Variants in EYA1 observed in about 807,000 individuals in gnomAD.
EYA1 encodes the protein protein phosphatase EYA1.
Under a neutral mutation model 82.0 loss-of-function variants are expected in EYA1, and 16 were observed. That is an observed-to-expected ratio of 0.20 (90% confidence interval 0.13 to 0.30). The LOEUF (loss-of-function observed/expected upper bound fraction) is 0.30. EYA1 is among the 10% of genes least tolerant of loss of function. The probability of loss-of-function intolerance (pLI) is 1.00; values close to 1 mark genes in which losing one functional copy is unlikely to be tolerated. For missense variants in EYA1, 633 were observed against 730.7 expected, an observed-to-expected ratio of 0.87 and a Z score of 1.54; for synonymous variants, 261 against 264.4, an observed-to-expected ratio of 0.99 and a Z score of 0.12.
At chr8:71,456,709 G>A (rs1807952046) in intron 2 of EYA1, among the ~76,000 whole-genome samples, 1 of 152,184 alleles carries the variant, frequency 6.6e-6, no homozygotes, top group Admixed American at 6.6e-5. Flanking sequence ...CTAGCCATAT[G>A]TAGGAAGCTG....
At chr8:71,340,438 A>T (rs1824991699) in intron 3 of EYA1, among the ~76,000 whole-genome samples, 1 of 152,224 alleles carries the variant, frequency 6.6e-6, no homozygotes, top group African/African-American at 2.4e-5. Context: ...GTTGGACATC[A>T]TTTAAACCAA....
At chr8:71,381,328 C>T (rs865864244) in intron 2 of EYA1, among the ~76,000 whole-genome samples, 5 of 152,136 alleles carry the variant, frequency 3.3e-5, no homozygotes, top group African/African-American at 9.7e-5. Context: ...AGACAAATTT[C>T]GATGGGAACA....
intron 3 of EYA1, among the ~76,000 whole-genome samples, chr8:71,350,007 T>G (rs553522472): frequency 2.8e-4 from 43 of 152,250 alleles, no homozygotes; most frequent in African/African-American, 1.0e-3. Context: ...TTATGGCTTT[T>G]GTTTAAGGAC....
At chr8:71,303,961 T>C (rs911012449) in intron 7 of EYA1, among the ~76,000 whole-genome samples, 1 of 142,328 alleles carries the variant, frequency 7.0e-6, no homozygotes, top group African/African-American at 2.5e-5. Context: ...TTAAGGTCTA[T>C]ACAATGCTGT....
chr8:71,432,661 T>C (rs543671646), intron 2 of EYA1, among the ~76,000 whole-genome samples: 1 of 152,212 alleles, frequency 6.6e-6, no homozygotes, highest in Non-Finnish European at 1.5e-5. Context: ...CTTACCCACA[T>C]GACCTAATTT....
At position 71,246,774 on chromosome 8, in the gene EYA1, G is replaced by C. The variant is rs527238584; in HGVS notation, c.1051-2082C>G. Among the ~76,000 whole-genome samples, 6 of 152,328 alleles carry C rather than the reference G, an allele frequency of 3.9e-5. No individual in the cohort carries two copies. In the East Asian group the frequency reaches 9.6e-4, roughly 24 times the overall value. ...CGTACATGTTTGTACAGTTAGGAGA[G>C]AGCAGGGGCTGGAAAGGGTGGGAGA... On this transcript the variant is annotated intron_variant, in intron 11 of 17. Transcript: ENST00000340726.
At chr8:71,465,437 A>G (rs1426790442) in intron 2 of EYA1, among the ~76,000 whole-genome samples, 2 of 152,146 alleles carry the variant, frequency 1.3e-5, no homozygotes, top group African/African-American at 4.8e-5. Flanking sequence ...AGCCTGGCCA[A>G]CATGGTGAAA....
chr8:71,211,579 A>T (rs1187881987), intron 16 of EYA1, among the ~76,000 whole-genome samples: 1 of 152,212 alleles, frequency 6.6e-6, no homozygotes, highest in Non-Finnish European at 1.5e-5. Flanking sequence ...ACTGTTTTGC[A>T]GTGGGACTTC....
At chr8:71,470,267 T>A (rs1254024763) in intron 2 of EYA1, among the ~76,000 whole-genome samples, 2 of 152,112 alleles carry the variant, frequency 1.3e-5, no homozygotes, top group African/African-American at 4.8e-5. Context: ...TTGTTTCAAA[T>A]GATTTGCTTT....
At chr8:71,380,824 T>G (rs1828658490) in intron 2 of EYA1, among the ~76,000 whole-genome samples, 1 of 152,358 alleles carries the variant, frequency 6.6e-6, no homozygotes, top group South Asian at 2.1e-4. Context: ...ACAGATTTTC[T>G]TTTCCTGTTT....
At chr8:71,427,441 A>G (rs187324803) in intron 2 of EYA1, among the ~76,000 whole-genome samples, 1 of 152,356 alleles carries the variant, frequency 6.6e-6, no homozygotes, top group African/African-American at 2.4e-5. Context: ...ATGCAGAAAT[A>G]AAGAGAGATG....
At chr8:71,543,528 T>C (rs541046851) in intron 1 of EYA1, among the ~76,000 whole-genome samples, 108 of 152,344 alleles carry the variant, frequency 7.1e-4, no homozygotes, top group African/African-American at 2.4e-3. Context: ...TAGTTTCTGA[T>C]AGATGGTGAC....
intron 7 of EYA1, among the ~76,000 whole-genome samples, chr8:71,302,447 T>C (rs1820303017): frequency 6.6e-6 from 1 of 152,102 alleles, no homozygotes; most frequent in African/African-American, 2.4e-5. Flanking sequence ...GACTAAATGC[T>C]ACTTCCAAGA....
At chr8:71,345,877 G>T (rs1586475298) in intron 3 of EYA1, among the ~76,000 whole-genome samples, 1 of 152,040 alleles carries the variant, frequency 6.6e-6, no homozygotes, top group East Asian at 1.9e-4. Flanking sequence ...AGCTTCCACA[G>T]CTCCTGTACA....
At chr8:71,532,465 T>A (rs1489887995) in intron 2 of EYA1, among the ~76,000 whole-genome samples, 1 of 152,210 alleles carries the variant, frequency 6.6e-6, no homozygotes, top group Non-Finnish European at 1.5e-5. Flanking sequence ...CATATGTATC[T>A]ATGTAGTAGA....
At chr8:71,471,570 TC>T (rs1464982564) in intron 2 of EYA1, among the ~76,000 whole-genome samples, 1 of 152,080 alleles carries the variant, frequency 6.6e-6, no homozygotes, top group African/African-American at 2.4e-5. Flanking sequence ...ACAAAAGTGA[TC>T]TCGTACTCAA....
At chr8:71,538,254 T>C (rs766012621) in intron 1 of EYA1, among the ~76,000 whole-genome samples, 1 of 152,190 alleles carries the variant, frequency 6.6e-6, no homozygotes, top group Non-Finnish European at 1.5e-5. Context: ...TCTAGTGGAA[T>C]TGCAATTATT....
At chr8:71,346,452 A>ATATATATATATATATATATG (rs1011248214) in intron 3 of EYA1, among the ~76,000 whole-genome samples, 2 of 134,650 alleles carry the variant, frequency 1.5e-5, no homozygotes, top group African/African-American at 6.1e-5. Flanking sequence ...ATATATATAT[A>ATATATATATATATATATATG]TATCTATATA....
intron 2 of EYA1, among the ~76,000 whole-genome samples, chr8:71,420,622 T>A (rs1348227176): frequency 6.6e-6 from 1 of 152,190 alleles, no homozygotes; most frequent in Non-Finnish European, 1.5e-5. Context: ...ACAGCATGTA[T>A]ATCTGATACT....
Sources: gnomAD v4.1 joint callset for allele counts (sites outside exome capture counted in the v4.1 genomes callset) on GRCh38, gnomAD v4.1.1 for gene constraint, MANE v1.5 for transcripts, NCBI Gene and HGNC (gene_info 2026-07-23, HGNC 2026-07-21) for gene names.